TBC1D32: variants seen among roughly 807,000 people sequenced by gnomAD.
TBC1D32 encodes TBC1 domain family member 32.
In TBC1D32, 151 loss-of-function variants were observed where a neutral mutation model predicts 170.3. The observed-to-expected ratio is 0.89, with a 90% CI of 0.78 to 1.01. TBC1D32 has a LOEUF of 1.01. Ranked by LOEUF, TBC1D32 falls within the 50% of genes least tolerant of loss-of-function variation. The probability of loss-of-function intolerance (pLI) is 0.00; values close to 1 mark genes in which losing one functional copy is unlikely to be tolerated. For missense variants in TBC1D32, 1,464 were observed against 1,457.1 expected, an observed-to-expected ratio of 1.00 and a Z score of -0.08; for synonymous variants, 498 against 488.0, an observed-to-expected ratio of 1.02 and a Z score of -0.27.
intron 26 of TBC1D32, 22 bp from the exon 27 acceptor site, chr6:121,115,263 GT>G: frequency 1.3e-6 from 2 of 1,537,856 alleles, no homozygotes; most frequent in Non-Finnish European, 8.8e-7. Context: ...AGAAAACTGA[GT>G]TATAAAGTGC....
At chr6:121,221,984 T>C (rs866393446) in intron 21 of TBC1D32, among the ~76,000 whole-genome samples, 2 of 152,166 alleles carry the variant, frequency 1.3e-5, no homozygotes, top group Non-Finnish European at 2.9e-5. Flanking sequence ...ACGAAAGGTG[T>C]CAAGTGATGC....
rs114501620 is a variant in TBC1D32 at position 121,176,622 on chromosome 6, G to A, written c.2571-15566C>T. Among the ~76,000 whole-genome samples, 1,144 of 151,928 alleles carry A rather than the reference G, an allele frequency of 7.5e-3. 18 individuals are homozygous for A. The highest frequency in any genetic ancestry group is 0.026 in the African/African-American group (1,096 of 41,428). On this transcript the variant is annotated intron_variant, in intron 22 of 31. Coordinates refer to ENST00000398212, the MANE Select transcript of TBC1D32 (RefSeq NM_152730.6). ...TTTTTCTCCCCCCACCCCCGAGATG[G>A]AGTTTCACTCTTGTCCCCCAGGCTG...
chr6:121,251,756 GAGTGAACAGGCA>G (rs1798321510), intron 17 of TBC1D32, among the ~76,000 whole-genome samples: 1 of 152,146 alleles, frequency 6.6e-6, no homozygotes, highest in Admixed American at 6.6e-5. Context: ...ACTATCATCA[GAGTGAACAGGCA>G]ACCTACAGAA....
chr6:121,090,099 A>G (rs1220027244), intron 31 of TBC1D32, among the ~76,000 whole-genome samples: 2 of 151,996 alleles, frequency 1.3e-5, no homozygotes, highest in African/African-American at 4.8e-5. Context: ...CAGCCAGCTA[A>G]TTTTTTGTAT....
intron 24 of TBC1D32, among the ~76,000 whole-genome samples, chr6:121,140,134 T>C (rs1782607114): frequency 6.6e-6 from 1 of 151,896 alleles, no homozygotes; most frequent in East Asian, 1.9e-4. Context: ...CATAATATGG[T>C]TTTCAAGGAC....
At chr6:121,088,094 G>A (rs1776437368) in intron 31 of TBC1D32, among the ~76,000 whole-genome samples, 1 of 151,816 alleles carries the variant, frequency 6.6e-6, no homozygotes. Context: ...GGGACTATAG[G>A]TGTGTGCCAC....
chr6:121,208,503 C>A (rs574006355), intron 21 of TBC1D32, among the ~76,000 whole-genome samples: 1 of 151,982 alleles, frequency 6.6e-6, no homozygotes, highest in South Asian at 2.1e-4. Context: ...CTGTCAAGCC[C>A]CTCCCATGAC....
At chr6:121,290,409 T>C (rs1583594129) in intron 12 of TBC1D32, among the ~76,000 whole-genome samples, 1 of 152,144 alleles carries the variant, frequency 6.6e-6, no homozygotes, top group South Asian at 2.1e-4. Flanking sequence ...ATGCTCATCA[T>C]CACTGGCCAT....
Position 121,173,708 on chromosome 6 carries a change from T to TG in TBC1D32, c.2571-12653dup, listed in dbSNP as rs544832554. On this transcript the variant is annotated intron_variant, in intron 22 of 31. Coordinates refer to ENST00000398212, the MANE Select transcript of TBC1D32 (RefSeq NM_152730.6). ...CTGTCTACCTCCATATCAAGATATA[T>TG]GGGGGGTACCAGGGGAGGGGAGAGG... Among the ~76,000 whole-genome samples, 8 of 152,028 alleles carry TG rather than the reference T, an allele frequency of 5.3e-5. No homozygotes were observed. In the East Asian group the frequency reaches 1.4e-3, roughly 26 times the overall value.
chr6:121,175,592 T>A (rs186594618), intron 22 of TBC1D32, among the ~76,000 whole-genome samples: 23 of 152,314 alleles, frequency 1.5e-4, no homozygotes, highest in African/African-American at 4.6e-4. Context: ...GAGAGCCATA[T>A]AATCATCGGA....
chr6:121,242,065 G>T, intron 18 of TBC1D32, 136 bp downstream of exon 18: 1 of 848,438 alleles, frequency 1.2e-6, no homozygotes, highest in Non-Finnish European at 1.7e-6. Flanking sequence ...AAAAAATCAA[G>T]TTGACTATTA....
At chr6:121,160,237 A>G in intron 23 of TBC1D32, 134 bp from the exon 24 acceptor site, 1 of 577,744 alleles carries the variant, frequency 1.7e-6, no homozygotes, top group Non-Finnish European at 3.1e-6. Context: ...CCAGTTAACC[A>G]AAAGCTATTT....
intron 22 of TBC1D32, among the ~76,000 whole-genome samples, chr6:121,180,757 T>G (rs988312761): frequency 3.9e-5 from 6 of 152,124 alleles, no homozygotes; most frequent in African/African-American, 1.4e-4. Context: ...AAAAAGCTTC[T>G]GTGCAGTAAA....
chr6:121,176,066 C>G (rs1279530100), intron 22 of TBC1D32, among the ~76,000 whole-genome samples: 1 of 151,978 alleles, frequency 6.6e-6, no homozygotes, highest in Non-Finnish European at 1.5e-5. Context: ...TTTATGGAAC[C>G]CTAAATAGTA....
At chr6:121,253,830 TTC>T (rs977700005) in intron 17 of TBC1D32, among the ~76,000 whole-genome samples, 3 of 152,206 alleles carry the variant, frequency 2.0e-5, no homozygotes, top group African/African-American at 7.2e-5. Flanking sequence ...AGTATGGAGA[TTC>T]CTTAAAGAAC....
intron 22 of TBC1D32, among the ~76,000 whole-genome samples, chr6:121,201,997 G>A (rs1791630160): frequency 2.0e-5 from 3 of 151,066 alleles, no homozygotes; most frequent in African/African-American, 7.4e-5. Context: ...TTTTGTAGAA[G>A]GAGGTTTGGG....
At chr6:121,091,450 C>T (rs79978960) in intron 30 of TBC1D32, among the ~76,000 whole-genome samples, 2,066 of 151,988 alleles carry the variant, frequency 0.014, 32 homozygotes, top group African/African-American at 0.04. Context: ...ATGCAGATGA[C>T]AGATTGCTAA....
chr6:121,227,483 T>C (rs1795218689), intron 20 of TBC1D32, among the ~76,000 whole-genome samples: 1 of 152,138 alleles, frequency 6.6e-6, no homozygotes, highest in Non-Finnish European at 1.5e-5. Context: ...AACACAGCAT[T>C]TATCAGATTA....
At chr6:121,274,027 T>TAAAAC (rs1210865395) in intron 15 of TBC1D32, among the ~76,000 whole-genome samples, 13 of 151,948 alleles carry the variant, frequency 8.6e-5, no homozygotes, top group African/African-American at 4.8e-5. Context: ...TCTGTTAAAT[T>TAAAAC]AAAACAAAAC....
Sources: allele counts gnomAD v4.1 joint callset (sites outside exome capture counted in the v4.1 genomes callset), GRCh38; gene constraint gnomAD v4.1.1; transcripts MANE v1.5; gene names NCBI Gene and HGNC (gene_info 2026-07-23, HGNC 2026-07-21).